The following HNRNPH1 variants were observed in gnomAD, a reference collection of about 807,000 sequenced individuals.
HNRNPH1 encodes the protein heterogeneous nuclear ribonucleoprotein H.
A neutral mutation model predicts 58.6 loss-of-function variants in HNRNPH1; 4 were observed. The ratio of observed to expected loss-of-function variants is 0.07; its 90% CI spans 0.03 to 0.16. HNRNPH1 has a LOEUF of 0.16. Ranked by LOEUF, HNRNPH1 falls within the 10% of genes least tolerant of loss-of-function variation. The pLI is 1.00. For synonymous variants in HNRNPH1, 192 were observed against 189.2 expected, an observed-to-expected ratio of 1.01 and a Z score of -0.12; for missense variants, 271 against 564.2, an observed-to-expected ratio of 0.48 and a Z score of 5.26.
At chr5:179,630,890 G>A (rs1179340545) in intron 2 of HNRNPH1, among the ~76,000 whole-genome samples, 9 of 134,704 alleles carry the variant, frequency 6.7e-5, no homozygotes, top group Admixed American at 4.1e-4. Context: ...CAGCCTGGGC[G>A]ACATCTCAAA....
exon 3 of HNRNPH1, chr5:179,620,948 C>T: frequency 6.2e-7 from 1 of 1,614,056 alleles, no homozygotes; most frequent in Non-Finnish European, 8.5e-7. Context: ...TCCTCTAAGC[C>T]GTACAAAGCC....
chr5:179,624,226 G>T (rs74452694), exon 1 of HNRNPH1: 34,818 of 336,796 alleles, frequency 0.1, 1,956 homozygotes, highest in African/African-American at 0.14. Flanking sequence ...AACGTCCTGG[G>T]AGCTGCGGGG....
At chr5:179,622,611 T>C (rs1310341701) in intron 1 of HNRNPH1, among the ~76,000 whole-genome samples, 6 of 152,260 alleles carry the variant, frequency 3.9e-5, no homozygotes, top group South Asian at 4.1e-4. Context: ...CTCGGGAGAC[T>C]GAGGCAGGAG....
chr5:179,628,716 G>C (rs1774576444), upstream of HNRNPH1, among the ~76,000 whole-genome samples: 1 of 152,172 alleles, frequency 6.6e-6, no homozygotes, highest in Non-Finnish European at 1.5e-5. Flanking sequence ...ATGGTGGGCT[G>C]ATCACTTGAA....
exon 13 of HNRNPH1, chr5:179,614,825 G>A (rs1204288150): frequency 1.6e-5 from 14 of 849,190 alleles, no homozygotes; most frequent in Non-Finnish European, 2.1e-5. Context: ...AAGAGTCAGT[G>A]ATCAGGATCG....
At chr5:179,622,556 CA>C (rs1562316627) in intron 1 of HNRNPH1, among the ~76,000 whole-genome samples, 1 of 152,044 alleles carries the variant, frequency 6.6e-6, no homozygotes, top group Non-Finnish European at 1.5e-5. Context: ...ACTAAAAATA[CA>C]AAAATTAGCC....
chr5:179,623,686 G>GCGCAACCTAAATAAGGTCC lies in HNRNPH1; in HGVS notation c.-572_-554dup, dbSNP rs1465342897. On this transcript the variant is annotated 5_prime_UTR_variant, in exon 1 of 13. Coordinates refer to ENST00000356731, the Ensembl canonical transcript of HNRNPH1. ...AAGACGAAATGGCCAGCGGGCGCCTGCGCAACCTAAATAAGGTCCCTTGTG... is the reference window on the plus strand; with the variant it reads ...AAGACGAAATGGCCAGCGGGCGCCTGCGCAACCTAAATAAGGTCCCGCAACCTAAATAAGGTCCCTTGTG... The GCGCAACCTAAATAAGGTCC allele has an allele frequency of 1.3e-5, 2 of 152,772 alleles. No homozygotes were observed. Among genetic ancestry groups the GCGCAACCTAAATAAGGTCC allele is most frequent in the African/African-American group, 4.8e-5 (2 of 41,436 alleles). 9.5% of individuals were successfully genotyped at this position (152,772 alleles called of 1,614,324 possible).
At chr5:179,621,058 G>C (rs768627628) in intron 2 of HNRNPH1, 23 bp from the exon 4 acceptor site, 2 of 1,610,444 alleles carry the variant, frequency 1.2e-6, no homozygotes, top group Non-Finnish European at 1.7e-6. Context: ...CTTAGAATTA[G>C]TCACTTTTGG....
At chr5:179,616,493 T>C (rs868421118) in intron 10 of HNRNPH1, 2 of 527,512 alleles carry the variant, frequency 3.8e-6, no homozygotes, top group Non-Finnish European at 6.8e-6. Context: ...GAAGATCTTA[T>C]GAAACTGCTT....
chr5:179,622,263 C>T (rs1279631442), intron 1 of HNRNPH1, among the ~76,000 whole-genome samples: 1 of 152,154 alleles, frequency 6.6e-6, no homozygotes, highest in Non-Finnish European at 1.5e-5. Flanking sequence ...TTTTAACTTT[C>T]CGAAGAATGC....
At chr5:179,631,418 C>A (rs1774819649) in intron 2 of HNRNPH1, among the ~76,000 whole-genome samples, 1 of 152,132 alleles carries the variant, frequency 6.6e-6, no homozygotes, top group Admixed American at 6.6e-5. Flanking sequence ...TCAAGACCAG[C>A]CTGGGCAACA....
intron 3 of HNRNPH1, 164 bp downstream of exon 4, chr5:179,620,728 A>T: frequency 1.6e-6 from 1 of 618,552 alleles, no homozygotes; most frequent in Non-Finnish European, 2.8e-6. Context: ...TTCCACCTTT[A>T]AGATGGGCTT....
intron 2 of HNRNPH1, among the ~76,000 whole-genome samples, chr5:179,633,723 T>G (rs1025950190): frequency 2.6e-5 from 4 of 152,154 alleles, no homozygotes; most frequent in Middle Eastern, 3.4e-3. Flanking sequence ...GAGACCAGCC[T>G]GGGCAACACG....
chr5:179,623,910 C>T (rs577746159), exon 1 of HNRNPH1: 5 of 152,318 alleles, frequency 3.3e-5, no homozygotes, highest in African/African-American at 1.2e-4. Flanking sequence ...TATTGAACTT[C>T]GGAGTCCTAG....
exon 1 of HNRNPH1, chr5:179,624,448 T>C: frequency 2.5e-6 from 1 of 398,358 alleles, no homozygotes; most frequent in Non-Finnish European, 4.4e-6. Context: ...CGGCAGGCCT[T>C]GACTGCCCTG....
rs114632967 is a variant in HNRNPH1, at chr5:179,616,160, G to A, written c.1266C>T (p.Gly422=). ...TCATGCTGCTCTGGCCACCGTAGCCGCCTCCGTAACCCCCACTCAGCTGCT... is the reference window on the plus strand; with the variant it reads ...TCATGCTGCTCTGGCCACCGTAGCCACCTCCGTAACCCCCACTCAGCTGCT... Residue 422 remains glycine, a synonymous_variant, in exon 11 of 13, where the codon GGC becomes GGT. Coordinates refer to ENST00000356731, the Ensembl canonical transcript of HNRNPH1. 573 of 1,614,042 alleles carry A rather than the reference G, an allele frequency of 3.6e-4. 5 individuals carry two copies. The East Asian group carries it at 6.2e-3, about 18-fold the overall frequency.
At chr5:179,621,961 C>T in intron 1 of HNRNPH1, 1 of 456,350 alleles carries the variant, frequency 2.2e-6, no homozygotes, top group Non-Finnish European at 4.4e-6. Context: ...TTACAGGTCG[C>T]TTTCCGTTAC....
At chr5:179,634,051 C>G (rs1047928785) in intron 2 of HNRNPH1, 3 of 141,366 alleles carry the variant, frequency 2.1e-5, no homozygotes, top group Non-Finnish European at 4.4e-5. Context: ...TTTTATCAGG[C>G]CCCCTGGGCT....
intron 2 of HNRNPH1, among the ~76,000 whole-genome samples, chr5:179,632,966 T>G (rs7721423): frequency 6.7e-6 from 1 of 149,358 alleles, no homozygotes. Flanking sequence ...CAAGCGATTC[T>G]CCAGCCTCAT....
Sources: allele counts gnomAD v4.1 joint callset (sites outside exome capture counted in the v4.1 genomes callset), GRCh38; gene constraint gnomAD v4.1.1; transcripts MANE v1.5; gene names NCBI Gene and HGNC (gene_info 2026-07-23, HGNC 2026-07-21).